Variants in SUSD1 observed in about 807,000 individuals in gnomAD.
SUSD1 encodes the protein sushi domain-containing protein 1.
A neutral mutation model predicts 86.9 loss-of-function variants in SUSD1; 65 were observed. The ratio of observed to expected loss-of-function variants is 0.75; its 90% CI spans 0.61 to 0.92. The LOEUF (loss-of-function observed/expected upper bound fraction) is 0.92, where lower values mean the gene tolerates loss of function less well. Ranked by LOEUF, SUSD1 falls within the 40% of genes least tolerant of loss-of-function variation. The probability of loss-of-function intolerance (pLI) is 0.00; values close to 1 mark genes in which losing one functional copy is unlikely to be tolerated. For missense variants in SUSD1, 850 were observed against 929.7 expected (o/e 0.91, Z 1.11); for synonymous variants, 346 against 350.0 (o/e 0.99, Z 0.13).
intron 12 of SUSD1, among the ~76,000 whole-genome samples, chr9:112,074,797 T>C (rs968367677): frequency 6.6e-6 from 1 of 151,574 alleles, no homozygotes. Flanking sequence ...GGGGTTGGTT[T>C]TTTTTTTTTT....
At chr9:112,152,536 A>G (rs1833099715) in intron 2 of SUSD1, among the ~76,000 whole-genome samples, 1 of 148,720 alleles carries the variant, frequency 6.7e-6, no homozygotes, top group Non-Finnish European at 1.5e-5. Context: ...CTGAGTAGCT[A>G]GGACCACAGG....
intron 2 of SUSD1, among the ~76,000 whole-genome samples, chr9:112,156,728 A>T (rs186414014): frequency 4.3e-4 from 65 of 152,198 alleles, no homozygotes; most frequent in Admixed American, 1.6e-3. Flanking sequence ...TTCTTTAGGG[A>T]GAAAAAAAGC....
Position 112,152,618 on chromosome 9 carries a change from C to G in SUSD1, c.218-3219G>C, listed in dbSNP as rs113316807. 4.7e-3 allele frequency among the ~76,000 whole-genome samples: 682 copies of G among 144,544 alleles called. 3 individuals carry two copies. The highest frequency in any genetic ancestry group is 0.016 in the African/African-American group (628 of 38,970). 94.8% of individuals were successfully genotyped at this position (144,544 alleles called of 152,430 possible). A position where few individuals can be genotyped will look rare whatever the true frequency, so the allele number is the denominator to read the frequency against. ...GATGGAGGGGTCTCAATATGTTGCT[C>G]AGACTCATCTCGAACTCCTGGCCTC... On this transcript the variant is annotated intron_variant, in intron 2 of 16. Coordinates refer to ENST00000374270, the MANE Select transcript of SUSD1 (RefSeq NM_022486.5).
intron 12 of SUSD1, among the ~76,000 whole-genome samples, chr9:112,069,396 G>C (rs1268648496): frequency 6.9e-6 from 1 of 144,546 alleles, no homozygotes; most frequent in Non-Finnish European, 1.5e-5. Flanking sequence ...CTATTTTCAA[G>C]AGCAGTCCAG....
In SUSD1 at chr9:112,175,133, C is replaced by G. The variant is rs1198216914; in HGVS notation, c.103G>C (p.Gly35Arg). ...CGTGCCCGTCCCAGCCCGCACTCAC[C>G]GTCGGGGCCCGGCGCTCCCGCGGCG... ...RGAAGAPGPD[G>R]LDVCATCHEH... is the part of the protein sequence containing the mutation. The change falls in exon 1 of 17, where the codon GGT becomes CGT. Residue 35 changes from glycine (G) to arginine (R), a missense_variant and splice_region_variant. Physicochemically the swap from Gly to Arg is moderately radical, Grantham distance 125. Transcript: ENST00000374270. The surrounding 1 kb of genome is among the most constrained non-coding windows in gnomAD (Gnocchi z 4.7). The G allele has an allele frequency of 1.9e-6, 2 of 1,047,678 alleles. No homozygotes were observed. Among genetic ancestry groups the G allele is most frequent in the Admixed American group, 5.6e-5 (1 of 17,924 alleles). 64.9% of individuals were successfully genotyped at this position (1,047,678 alleles called of 1,614,324 possible).
In SUSD1 at chr9:112,078,811, C is replaced by CTCT; in HGVS notation, c.1567-88_1567-87insAGA. The CTCT allele has an allele frequency of 4.7e-5, 30 of 640,362 alleles. No individual in the cohort carries two copies. The South Asian group carries it at 7.1e-4, about 15-fold the overall frequency. The allele number at this position is 640,362 out of a possible 1,614,324, so 39.7% of individuals were successfully genotyped here. On this transcript the variant is annotated intron_variant, in intron 11 of 16. Transcript: ENST00000374270. Reference sequence around the variant, plus strand: ...ACCTCCCCTTTTCCTTTTTCTTTCTCTTTTTTTTTTTTTTTTTTTGAGATG... The same window carrying CTCT: ...ACCTCCCCTTTTCCTTTTTCTTTCTCTCTTTTTTTTTTTTTTTTTTTTGAGATG...
intron 8 of SUSD1, chr9:112,104,659 C>T (rs7022284): frequency 0.33 from 49,916 of 152,088 alleles, 8,678 homozygotes; most frequent in African/African-American, 0.43. Context: ...ACAGCTGCTG[C>T]CCAAAGGACA....
rs1336122586 is a variant in SUSD1 at position 112,142,342 on chromosome 9, C to T, written c.684G>A (p.Glu228=). The T allele has an allele frequency of 6.3e-7, 1 of 1,585,414 alleles. No individual in the cohort carries two copies. The highest frequency in any genetic ancestry group is 8.6e-7 in the Non-Finnish European group (1 of 1,168,042). The change falls in exon 5 of 17, where the codon GAG becomes GAA. Residue 228 remains glutamate (E), a synonymous_variant. Transcript: ENST00000374270. The part of the protein sequence containing the change: ...VSSCTGLGTW[E]SPKLHCQEIN... ...CACCTTGGCAATGTAATTTTGGGGA[C>T]TCCCATGTGCCCAGGCCTGTGCAGC... is the stretch of plus-strand genomic sequence containing the variant.
At chr9:112,093,563 T>G (rs1402801384) in intron 10 of SUSD1, among the ~76,000 whole-genome samples, 1 of 152,200 alleles carries the variant, frequency 6.6e-6, no homozygotes, top group Non-Finnish European at 1.5e-5. Context: ...TCCTTCAATA[T>G]AGCTTTTACC....
At chr9:112,142,946 G>GTTTATGAAT (rs1258522074) in intron 4 of SUSD1, among the ~76,000 whole-genome samples, 1 of 73,240 alleles carries the variant, frequency 1.4e-5, no homozygotes, top group Admixed American at 1.7e-4. Context: ...AATCCTTTAA[G>GTTTATGAAT]TTTATGAATT....
rs1831073646 is a variant in SUSD1, at chr9:112,110,996, G to GGGTTTTTTTT, written c.1171+648_1171+657dup. ...CAAGAAATGGCTTTTTGGTTTTTTT[G>GGGTTTTTTTT]GGTTTTTTTTGAGACAGAGTCTTGC... On this transcript the variant is annotated intron_variant, in intron 8 of 16. Coordinates refer to ENST00000374270, the MANE Select transcript of SUSD1 (RefSeq NM_022486.5). Among the ~76,000 whole-genome samples the GGGTTTTTTTT allele has an allele frequency of 2.7e-5, 4 of 147,560 alleles. No individual in the cohort carries two copies. In the South Asian group the frequency reaches 8.5e-4, roughly 31 times the overall value.
At chr9:112,089,504 A>G (rs1830112889) in intron 10 of SUSD1, among the ~76,000 whole-genome samples, 1 of 152,170 alleles carries the variant, frequency 6.6e-6, no homozygotes, top group South Asian at 2.1e-4. Flanking sequence ...AAGAAAGTAT[A>G]AGAAAGGATA....
chr9:112,086,520 A>AAGAGAG (rs142342623), intron 10 of SUSD1, among the ~76,000 whole-genome samples: 1 of 147,576 alleles, frequency 6.8e-6, no homozygotes, highest in South Asian at 2.1e-4. Context: ...GAAAGAAAGA[A>AAGAGAG]AGAGAGAGAG....
chr9:112,065,809 A>G (rs1371342010), intron 12 of SUSD1, among the ~76,000 whole-genome samples: 1 of 152,224 alleles, frequency 6.6e-6, no homozygotes, highest in African/African-American at 2.4e-5. Flanking sequence ...GAGGGAATTA[A>G]TGAGCCAATT....
At position 112,078,690 on chromosome 9, in the gene SUSD1, T is replaced by A. The variant is rs748195687; in HGVS notation, c.1601A>T (p.Glu534Val). The A allele has an allele frequency of 5.0e-6, 8 of 1,613,654 alleles. No homozygotes were observed. In the African/African-American group the frequency reaches 5.3e-5, roughly 11 times the overall value. ...HIWGQRWYQK[E>V]FAQEMTFNIS... ...ATTAAAGGTCATTTCCTGGGCAAAT[T>A]CCTTCTGATACCATCTCTGGCCCCA... Residue 534 changes from glutamate to valine, a missense_variant, in exon 12 of 17, where the codon GAA (glutamate) becomes GTA (valine). Glu to Val is a moderately radical substitution (Grantham distance 121). Coordinates refer to ENST00000374270, the MANE Select transcript of SUSD1 (RefSeq NM_022486.5).
At chr9:112,106,100 G>A (rs949215831) in intron 8 of SUSD1, among the ~76,000 whole-genome samples, 52 of 151,938 alleles carry the variant, frequency 3.4e-4, no homozygotes, top group African/African-American at 1.1e-3. Flanking sequence ...AGCAATTCTC[G>A]TGCCTAAGAC....
At chr9:112,138,116 T>C (rs987313117) in intron 5 of SUSD1, among the ~76,000 whole-genome samples, 13 of 147,230 alleles carry the variant, frequency 8.8e-5, no homozygotes, top group African/African-American at 2.8e-4. Flanking sequence ...CCCAGCTACG[T>C]GGGAGGCTGA....
At chr9:112,095,378 C>T (rs1383558733) in intron 10 of SUSD1, among the ~76,000 whole-genome samples, 1 of 152,132 alleles carries the variant, frequency 6.6e-6, no homozygotes, top group East Asian at 1.9e-4. Context: ...CTCAGAGGGA[C>T]CTTGAACATT....
At chr9:112,147,915 C>T (rs985086709) in intron 3 of SUSD1, among the ~76,000 whole-genome samples, 3 of 152,078 alleles carry the variant, frequency 2.0e-5, no homozygotes, top group African/African-American at 7.2e-5. Context: ...TGCAACCATG[C>T]AGCCAGTAAT....
Sources: allele counts gnomAD v4.1 joint callset (sites outside exome capture counted in the v4.1 genomes callset), GRCh38; gene constraint gnomAD v4.1.1; non-coding constraint Gnocchi (gnomAD v3.1); transcripts MANE v1.5; gene names NCBI Gene and HGNC (gene_info 2026-07-23, HGNC 2026-07-21).